CHMP1A: variants seen among roughly 807,000 people sequenced by gnomAD.
CHMP1A encodes VPS46 homolog A.
A neutral mutation model predicts 27.0 loss-of-function variants in CHMP1A; 17 were observed. The ratio of observed to expected loss-of-function variants is 0.63; its 90% CI spans 0.43 to 0.95. CHMP1A has a LOEUF of 0.95. Ranked by LOEUF, CHMP1A falls within the 40% of genes least tolerant of loss-of-function variation. CHMP1A has a pLI of 0.00. For missense variants in CHMP1A, 275 were observed against 264.0 expected (o/e 1.04, Z -0.29); for synonymous variants, 131 against 107.5 (o/e 1.22, Z -1.35).
At chr16:89,647,053 G>A (rs762496613) in intron 5 of CHMP1A, 150 bp downstream of exon 5, 1 of 1,530,070 alleles carries the variant, frequency 6.5e-7, no homozygotes, top group Non-Finnish European at 8.7e-7. Flanking sequence ...GTCCTGGCAG[G>A]GACCCAGCAC....
intron 2 of CHMP1A, among the ~76,000 whole-genome samples, chr16:89,653,572 G>A (rs148394945): frequency 5.3e-4 from 75 of 140,926 alleles, no homozygotes; most frequent in African/African-American, 1.8e-3. Flanking sequence ...GCAGTGAGCC[G>A]AGATCACGCC....
At chr16:89,650,918 T>C (rs2059818772) in intron 3 of CHMP1A, among the ~76,000 whole-genome samples, 1 of 152,138 alleles carries the variant, frequency 6.6e-6, no homozygotes, top group Non-Finnish European at 1.5e-5. Flanking sequence ...ATGAAGGCAA[T>C]GCACTCATCT....
chr16:89,655,451 T>TCCTCACCTCAGCTTTC (rs1414338802), intron 1 of CHMP1A, among the ~76,000 whole-genome samples: 1 of 143,572 alleles, frequency 7.0e-6, no homozygotes, highest in Admixed American at 6.8e-5. Context: ...ACCTCAGCTT[T>TCCTCACCTCAGCTTTC]CCTCACCTCA....
intron 5 of CHMP1A, chr16:89,646,921 C>T (rs577018192): frequency 3.1e-5 from 21 of 684,974 alleles, no homozygotes; most frequent in Middle Eastern, 5.3e-4. Flanking sequence ...CTGTGCCATG[C>T]CTGCTGCCGC....
intron 5 of CHMP1A, 88 bp downstream of exon 5, chr16:89,647,115 C>T (rs770920405): frequency 1.8e-5 from 28 of 1,550,158 alleles, no homozygotes; most frequent in Admixed American, 7.7e-5. Context: ...AGAGACAGCA[C>T]GTCAGCCTGT....
Position 89,646,730 on chromosome 16 carries a change from T to C in CHMP1A, c.382-16A>G. ...CCTCCATCACCTGGGGGCAGGGGCA[T>C]GCTCTGGACAACAGGTGGGGCCAGG... On this transcript the variant is annotated splice_polypyrimidine_tract_variant and intron_variant, in intron 5 of 6. Transcript: ENST00000397901. 3 of 1,605,226 alleles carry C rather than the reference T, an allele frequency of 1.9e-6. No homozygotes were observed. The highest frequency in any genetic ancestry group is 2.5e-6 in the Non-Finnish European group (3 of 1,176,640).
At chr16:89,657,095 G>A (rs2059883665) in intron 1 of CHMP1A, among the ~76,000 whole-genome samples, 1 of 149,534 alleles carries the variant, frequency 6.7e-6, no homozygotes, top group Non-Finnish European at 1.5e-5. Flanking sequence ...CCGGGTCGAG[G>A]GTCGAGGCCC....
chr16:89,654,891 C>A (rs1037570502), intron 1 of CHMP1A, among the ~76,000 whole-genome samples: 5 of 151,716 alleles, frequency 3.3e-5, no homozygotes, highest in African/African-American at 9.7e-5. Flanking sequence ...TGCAGTGAGC[C>A]GAGATTGCGC....
chr16:89,654,541 C>T (rs1026183950), intron 1 of CHMP1A, among the ~76,000 whole-genome samples: 1 of 152,200 alleles, frequency 6.6e-6, no homozygotes, highest in African/African-American at 2.4e-5. Context: ...CAGTCGCTCA[C>T]GCCTGTAATC....
chr16:89,653,888 G>C lies in CHMP1A; in HGVS notation c.27+16C>G. On this transcript the variant is annotated intron_variant, in intron 2 of 6. Coordinates refer to ENST00000397901, the MANE Select transcript of CHMP1A (RefSeq NM_002768.5). The stretch of plus-strand genomic sequence containing the variant: ...CACCAGAACAGGGCTGGGGTGAACG[G>C]CCATTCGGTACATACCTTCAACTGG... 6.2e-7 allele frequency: 1 copy of C among 1,612,764 alleles called. No individual in the cohort carries two copies. The highest frequency in any genetic ancestry group is 8.5e-7 in the Non-Finnish European group (1 of 1,178,950).
Position 89,647,269 on chromosome 16 carries a change from C to A in CHMP1A, c.315G>T (p.Leu105=). 1 of 1,611,378 alleles carries A rather than the reference C, an allele frequency of 6.2e-7. No homozygotes were observed. Among genetic ancestry groups the A allele is most frequent in the Non-Finnish European group, 8.5e-7 (1 of 1,178,980 alleles). ...TGTCCATCACTGAGGAGACCTTCTGCAGGTCCATGGTGCTCAGGGCCTTGT... is the reference window on the plus strand; with the variant it reads ...TGTCCATCACTGAGGAGACCTTCTGAAGGTCCATGGTGCTCAGGGCCTTGT... The part of the protein sequence containing the change: ...ALDKALSTMD[L]QKVSSVMDRF... Residue 105 remains leucine, a synonymous_variant, in exon 5 of 7, where the codon CTG becomes CTT. Transcript: ENST00000397901.
At chr16:89,653,474 T>C (rs1403615340) in intron 2 of CHMP1A, among the ~76,000 whole-genome samples, 1 of 150,072 alleles carries the variant, frequency 6.7e-6, no homozygotes, top group Admixed American at 6.6e-5. Flanking sequence ...TAAAAAAAAA[T>C]TAGCTGGGCA....
intron 1 of CHMP1A, among the ~76,000 whole-genome samples, chr16:89,654,522 C>G (rs1057435273): frequency 6.6e-6 from 1 of 152,144 alleles, no homozygotes; most frequent in African/African-American, 2.4e-5. Flanking sequence ...GAGCTGATTT[C>G]CAGCGGTACA....
At chr16:89,648,617 T>C (rs1169370802) in intron 4 of CHMP1A, among the ~76,000 whole-genome samples, 1 of 152,026 alleles carries the variant, frequency 6.6e-6, no homozygotes, top group African/African-American at 2.4e-5. Context: ...ACAGTGACAG[T>C]GAGTGGTTCA....
Position 89,651,652 on chromosome 16 carries a change from C to G in CHMP1A, c.28-6G>C, listed in dbSNP as rs753406733. Reference sequence around the variant, plus strand: ...TCCAGCTGCTTCGCCGTGAACTGAGCGGAAGCCGGAATGTCCTGGGTCAGA... The same window carrying G: ...TCCAGCTGCTTCGCCGTGAACTGAGGGGAAGCCGGAATGTCCTGGGTCAGA... On this transcript the variant is annotated splice_region_variant and splice_polypyrimidine_tract_variant and intron_variant, in intron 2 of 6. Coordinates refer to ENST00000397901, the MANE Select transcript of CHMP1A (RefSeq NM_002768.5). The G allele has an allele frequency of 1.2e-6, 2 of 1,613,266 alleles. No homozygotes were observed. The highest frequency in any genetic ancestry group is 1.7e-6 in the Non-Finnish European group (2 of 1,179,726).
intron 3 of CHMP1A, among the ~76,000 whole-genome samples, chr16:89,649,843 T>C (rs2437956): frequency 0.52 from 79,150 of 152,146 alleles, 23,314 homozygotes; most frequent in Middle Eastern, 0.74. Flanking sequence ...CCCAAAGAGC[T>C]GGGATCACAG....
chr16:89,648,813 C>G (rs111636855), intron 4 of CHMP1A, among the ~76,000 whole-genome samples: 1 of 95,936 alleles, frequency 1.0e-5, no homozygotes, highest in South Asian at 4.3e-4. Flanking sequence ...ATCGCTTGAG[C>G]CCAGGAGGTT....
chr16:89,657,690 G>A lies in CHMP1A; in HGVS notation c.-102C>T, dbSNP rs2059897677. 2 of 1,570,024 alleles carry A rather than the reference G, an allele frequency of 1.3e-6. No individual in the cohort carries two copies. Among genetic ancestry groups the A allele is most frequent in the South Asian group, 1.2e-5 (1 of 86,172 alleles). On this transcript the variant is annotated 5_prime_UTR_variant, in exon 1 of 7. Coordinates refer to ENST00000397901, the MANE Select transcript of CHMP1A (RefSeq NM_002768.5). The stretch of plus-strand genomic sequence containing the variant: ...TCGAACCGACCAAGCTGCACCCGGC[G>A]GGGACTTCCGGGGTCGCCGCCCCAC...
chr16:89,649,166 C>G, intron 4 of CHMP1A, 185 bp downstream of exon 4: 2 of 325,238 alleles, frequency 6.1e-6, no homozygotes, highest in Non-Finnish European at 5.0e-6. Context: ...AACTCAACCT[C>G]CCCACCCCAC....
Sources: allele counts gnomAD v4.1 joint callset (sites outside exome capture counted in the v4.1 genomes callset), GRCh38; gene constraint gnomAD v4.1.1; transcripts MANE v1.5; gene names NCBI Gene and HGNC (gene_info 2026-07-23, HGNC 2026-07-21).